HIBCH: variants seen among roughly 807,000 people sequenced by gnomAD.
The protein encoded by HIBCH is 3-hydroxyisobutyryl-CoA hydrolase.
In HIBCH, 50 loss-of-function variants were observed where a neutral mutation model predicts 58.2. The observed-to-expected ratio is 0.86, with a 90% CI of 0.68 to 1.09. The LOEUF (loss-of-function observed/expected upper bound fraction) is 1.09, where lower values mean the gene tolerates loss of function less well. Ranked by LOEUF, HIBCH falls within the 50% of genes least tolerant of loss-of-function variation. The pLI is 0.00. For synonymous variants in HIBCH, 151 were observed against 146.9 expected (o/e 1.03, Z -0.20); for missense variants, 450 against 449.7 (o/e 1.00, Z -0.01).
At chr2:190,199,737 T>C (rs1401392398), downstream of HIBCH, 7 of 1,499,836 alleles carry the variant, frequency 4.7e-6, no homozygotes, top group Admixed American at 2.3e-5. Context: ...GGAACATTGA[T>C]TACTGAAGTG....
chr2:190,229,589 G>A (rs898399641), intron 11 of HIBCH, among the ~76,000 whole-genome samples: 4 of 152,196 alleles, frequency 2.6e-5, no homozygotes, highest in African/African-American at 4.8e-5. Flanking sequence ...AATATTCAAT[G>A]TTCTTTCCAC....
chr2:190,251,411 G>C (rs1686763390), intron 8 of HIBCH: 2 of 329,522 alleles, frequency 6.1e-6, no homozygotes, highest in African/African-American at 2.2e-5. Context: ...AGATAAGCCA[G>C]TCCAGTCAGA....
chr2:190,249,428 C>G (rs1319490411), intron 9 of HIBCH, among the ~76,000 whole-genome samples: 1 of 152,210 alleles, frequency 6.6e-6, no homozygotes, highest in Non-Finnish European at 1.5e-5. Context: ...AGTGGGAAGA[C>G]AGCTATGCAG....
At chr2:190,265,455 CTT>C (rs78459121) in intron 6 of HIBCH, among the ~76,000 whole-genome samples, 14 of 141,980 alleles carry the variant, frequency 9.9e-5, no homozygotes, top group East Asian at 6.1e-4. Flanking sequence ...ATCTTTTGCT[CTT>C]TTTTTTTTTT....
In HIBCH at chr2:190,211,059, T is replaced by C. The variant is rs1262959292; in HGVS notation, c.1011+1897A>G. Among the ~76,000 whole-genome samples, 3 of 152,132 alleles carry C rather than the reference T, an allele frequency of 2.0e-5. No individual in the cohort carries two copies. The highest frequency in any genetic ancestry group is 7.2e-5 in the African/African-American group (3 of 41,414). ...GGGCAGGTGTTATCCTACTCCCTAC[T>C]CCCCAAGATAATGATTTAAACTGTT... On this transcript the variant is annotated intron_variant, in intron 12 of 13. Transcript: ENST00000359678. The surrounding 1 kb of genome is among the most constrained non-coding windows in gnomAD (Gnocchi z 5.0).
intron 6 of HIBCH, among the ~76,000 whole-genome samples, chr2:190,262,265 T>C (rs961954914): frequency 6.6e-6 from 1 of 150,876 alleles, no homozygotes; most frequent in African/African-American, 2.4e-5. Context: ...GAAGCAGAGA[T>C]AGAAAAATAA....
Position 190,306,754 on chromosome 2 carries a change from A to G in HIBCH, c.78+4000T>C, listed in dbSNP as rs1415591242. The stretch of plus-strand genomic sequence containing the variant: ...ATGCTTGCATCCTTCCAAAATTTGT[A>G]TGTTGAAATCCTAACCTCCAAGGTG... On this transcript the variant is annotated intron_variant, in intron 2 of 13. Transcript: ENST00000359678. This position sits in a 1 kb window ranked among gnomAD's most constrained non-coding sequence, Gnocchi z 4.6. Among the ~76,000 whole-genome samples, 5 of 152,204 alleles carry G rather than the reference A, an allele frequency of 3.3e-5. No homozygotes were observed. Among genetic ancestry groups the G allele is most frequent in the Non-Finnish European group, 7.4e-5 (5 of 68,022 alleles).
intron 6 of HIBCH, among the ~76,000 whole-genome samples, chr2:190,267,142 A>G (rs1245276011): frequency 6.6e-6 from 1 of 152,114 alleles, no homozygotes. Flanking sequence ...TTCTAGGTGA[A>G]GCTGGGGTGA....
Position 190,206,792 on chromosome 2 carries a change from T to C in HIBCH, c.1046-1560A>G, listed in dbSNP as rs1417145419. The stretch of plus-strand genomic sequence containing the variant: ...CAGTTTTCAATCTCAGAACAGACGC[T>C]GCTTTCTGAAAGAGGCGGCAATATA... On this transcript the variant is annotated intron_variant, in intron 13 of 13. Transcript: ENST00000359678. This position sits in a 1 kb window ranked among gnomAD's most constrained non-coding sequence, Gnocchi z 5.1. Among the ~76,000 whole-genome samples the C allele has an allele frequency of 6.6e-6, 1 of 152,220 alleles. No homozygotes were observed. The highest frequency in any genetic ancestry group is 2.4e-5 in the African/African-American group (1 of 41,464).
chr2:190,239,070 G>A (rs577546472), intron 11 of HIBCH, among the ~76,000 whole-genome samples: 1 of 152,270 alleles, frequency 6.6e-6, no homozygotes, highest in South Asian at 2.1e-4. Context: ...TATTGCCTAG[G>A]TTCTCTTCTA....
intron 4 of HIBCH, among the ~76,000 whole-genome samples, chr2:190,291,027 A>C (rs998619270): frequency 6.6e-6 from 1 of 152,236 alleles, no homozygotes; most frequent in Middle Eastern, 3.4e-3. Context: ...AAAAATAATA[A>C]TATATTGCAA....
Position 190,279,161 on chromosome 2 carries a change from C to T in HIBCH, c.438+8425G>A, listed in dbSNP as rs77124718. Among the ~76,000 whole-genome samples, 2,350 of 152,288 alleles carry T rather than the reference C, an allele frequency of 0.015. 101 individuals are homozygous for T. In the East Asian group the frequency reaches 0.16, roughly 10 times the overall value. On this transcript the variant is annotated intron_variant, in intron 6 of 13. Coordinates refer to ENST00000359678, the MANE Select transcript of HIBCH (RefSeq NM_014362.4). The surrounding 1 kb of genome is among the most constrained non-coding windows in gnomAD (Gnocchi z 4.2). The stretch of plus-strand genomic sequence containing the variant: ...GCCAAACTGGCTTTTAAAACAGACC[C>T]ATTCCCATGGTAATTAAACCATTCT...
In HIBCH at chr2:190,214,948, C is replaced by T. The variant is rs1484859156; in HGVS notation, c.892-1873G>A. The T allele has an allele frequency of 6.6e-6, 1 of 152,216 alleles. No individual in the cohort carries two copies. Among genetic ancestry groups the T allele is most frequent in the Non-Finnish European group, 1.5e-5 (1 of 68,062 alleles). The allele number at this position is 152,216 out of a possible 1,614,324, so 9.4% of individuals were successfully genotyped here. A position where few individuals can be genotyped will look rare whatever the true frequency, so the allele number is the denominator to read the frequency against. On this transcript the variant is annotated intron_variant, in intron 11 of 13. Coordinates refer to ENST00000359678, the MANE Select transcript of HIBCH (RefSeq NM_014362.4). This position sits in a 1 kb window ranked among gnomAD's most constrained non-coding sequence, Gnocchi z 5.5. ...GACATTGAGAATTTCCCTATTTCTT[C>T]TGAACAGTAGACGTCTAATAAGTAC...
chr2:190,261,163 A>G lies in HIBCH; in HGVS notation c.510T>C (p.Thr170=), dbSNP rs1687078123. The G allele has an allele frequency of 6.2e-7, 1 of 1,610,832 alleles. No homozygotes were observed. Residue 170 remains threonine, a synonymous_variant, in exon 7 of 14, where the codon ACT becomes ACC. Transcript: ENST00000359678. ...AAAATTCTGGTTGTTTACCTATTGC[A>G]GTTTCTGGCATAGCAAAAAGACACT... is the stretch of plus-strand genomic sequence containing the variant. ...TEKCLFAMPE[T]AIGLFPDVGG...
intron 13 of HIBCH, among the ~76,000 whole-genome samples, chr2:190,208,163 A>C (rs1298446315): frequency 6.6e-6 from 1 of 152,260 alleles, no homozygotes; most frequent in Non-Finnish European, 1.5e-5. Context: ...AAGTATTAAT[A>C]AGACAATCTG....
chr2:190,288,909 C>T (rs983246026), intron 5 of HIBCH, among the ~76,000 whole-genome samples: 1 of 152,002 alleles, frequency 6.6e-6, no homozygotes, highest in Non-Finnish European at 1.5e-5. Context: ...GTCAGGAGTT[C>T]GAGAGCAGCC....
At chr2:190,301,476 G>A (rs1340255994) in intron 2 of HIBCH, among the ~76,000 whole-genome samples, 8 of 152,200 alleles carry the variant, frequency 5.3e-5, no homozygotes, top group Non-Finnish European at 1.2e-4. Flanking sequence ...CCCCAGAGGA[G>A]GGAGAGGGAG....
intron 3 of HIBCH, among the ~76,000 whole-genome samples, chr2:190,295,175 G>C (rs1367124158): frequency 6.6e-6 from 1 of 152,202 alleles, no homozygotes; most frequent in Non-Finnish European, 1.5e-5. Context: ...CGATGAAAAT[G>C]TGAAAGTCCA....
chr2:190,298,540 A>C (rs1219224802), intron 2 of HIBCH, among the ~76,000 whole-genome samples: 1 of 151,370 alleles, frequency 6.6e-6, no homozygotes, highest in Non-Finnish European at 1.5e-5. Context: ...GGCCGTATAC[A>C]TGTCGTCTTT....
Sources: gnomAD v4.1 joint callset for allele counts (sites outside exome capture counted in the v4.1 genomes callset) on GRCh38, gnomAD v4.1.1 for gene constraint, Gnocchi (gnomAD v3.1) non-coding constraint, MANE v1.5 for transcripts, NCBI Gene and HGNC (gene_info 2026-07-23, HGNC 2026-07-21) for gene names.